The following COL4A3 variants were observed in gnomAD, a reference collection of about 807,000 sequenced individuals.
COL4A3 encodes collagen alpha-3(IV) chain.
COL4A3 carries 135 observed loss-of-function variants against 217.4 expected under a neutral mutation model. That is an observed-to-expected ratio of 0.62 (90% CI 0.54 to 0.72). COL4A3 has a LOEUF of 0.72. COL4A3 is among the 30% of genes least tolerant of loss of function. The pLI, the probability that COL4A3 is intolerant of heterozygous loss-of-function variation, is 0.00. For synonymous variants in COL4A3, 690 were observed against 736.3 expected (o/e 0.94, Z 1.02); for missense variants, 1,868 against 2,119.9 (o/e 0.88, Z 2.33).
Position 227,253,601 on chromosome 2 carries a change from C to A in COL4A3, c.728C>A (p.Thr243Lys). Residue 243 changes from threonine to lysine, a missense_variant, in exon 13 of 52, where the codon ACA becomes AAA. By Grantham distance (78) the Thr-to-Lys change is moderately conservative (BLOSUM62 -1). This residue lies in a region of COL4A3 where 365 missense variants were observed against 333.8 expected (regional missense o/e 1.09). Transcript: ENST00000396578. This position sits in a 1 kb window ranked among gnomAD's most constrained non-coding sequence, Gnocchi z 4.4. Reference protein sequence around the residue: ...GLTGPPGPPGTVIVTLTGPDN... With the variant: ...GLTGPPGPPGKVIVTLTGPDN... ...ACAGGACCCCCGGGACCACCAGGAA[C>A]AGTTATTGTGACCCTAACTGGCCCA... 6.2e-7 allele frequency: 1 copy of A among 1,614,130 alleles called. No individual in the cohort carries two copies. Among genetic ancestry groups the A allele is most frequent in the Non-Finnish European group, 8.5e-7 (1 of 1,179,970 alleles).
chr2:227,181,871 A>T (rs918322355), intron 1 of COL4A3, among the ~76,000 whole-genome samples: 1 of 152,184 alleles, frequency 6.6e-6, no homozygotes, highest in Non-Finnish European at 1.5e-5. Flanking sequence ...TAATTTTTTT[A>T]TACTGCAAGT....
chr2:227,303,304 T>C (rs1328418937), intron 44 of COL4A3, among the ~76,000 whole-genome samples, 194 bp downstream of exon 44: 1 of 152,174 alleles, frequency 6.6e-6, no homozygotes, highest in Non-Finnish European at 1.5e-5. Context: ...GATCAATGGC[T>C]CTCGGTAACC....
At chr2:227,261,195 T>C in intron 20 of COL4A3, 78 bp downstream of exon 20, 2 of 1,232,136 alleles carry the variant, frequency 1.6e-6, no homozygotes, top group Non-Finnish European at 2.4e-6. Flanking sequence ...AAGTTTACAT[T>C]ATTTACATAA....
intron 1 of COL4A3, among the ~76,000 whole-genome samples, chr2:227,211,106 T>G (rs1438409613): frequency 6.6e-6 from 1 of 152,166 alleles, no homozygotes; most frequent in African/African-American, 2.4e-5. Flanking sequence ...GTTCAAGCGA[T>G]TCTCCTGCCT....
At chr2:227,194,648 T>A (rs1277651012) in intron 1 of COL4A3, among the ~76,000 whole-genome samples, 3 of 152,106 alleles carry the variant, frequency 2.0e-5, no homozygotes, top group Non-Finnish European at 2.9e-5. Context: ...AAATGCAGTA[T>A]GCAATCAACT....
intron 1 of COL4A3, among the ~76,000 whole-genome samples, chr2:227,234,385 G>T (rs909266850): frequency 6.6e-6 from 1 of 152,200 alleles, no homozygotes; most frequent in Non-Finnish European, 1.5e-5. Context: ...ATTTTAACGT[G>T]TGTTAAAATA....
chr2:227,242,113 C>A (rs2069059131), intron 3 of COL4A3, among the ~76,000 whole-genome samples: 1 of 152,092 alleles, frequency 6.6e-6, no homozygotes, highest in Non-Finnish European at 1.5e-5. Flanking sequence ...GGGCTCAGTC[C>A]CACAAGACTG....
intron 2 of COL4A3, among the ~76,000 whole-genome samples, chr2:227,239,246 A>G (rs565831197): frequency 3.4e-4 from 11 of 31,956 alleles, no homozygotes; most frequent in African/African-American, 8.7e-4. Context: ...TAATACAAAT[A>G]AAAAAATGCA....
At chr2:227,239,972 G>A (rs1191850580) in intron 2 of COL4A3, among the ~76,000 whole-genome samples, 171 bp from the exon 3 acceptor site, 1 of 152,100 alleles carries the variant, frequency 6.6e-6, no homozygotes, top group Non-Finnish European at 1.5e-5. Context: ...TAGCTTTCTG[G>A]TTGCCTATGT....
chr2:227,164,892 C>A lies in COL4A3; in HGVS notation c.87+79C>A. ...GTCCGGGGGACGCGCTGGCCCCACC[C>A]GCAGCGGCGCGGTAGTGGAGCGGCT... On this transcript the variant is annotated intron_variant, in intron 1 of 51. Coordinates refer to ENST00000396578, the MANE Select transcript of COL4A3 (RefSeq NM_000091.5). This position sits in a 1 kb window ranked among gnomAD's most constrained non-coding sequence, Gnocchi z 4.8. The A allele has an allele frequency of 7.2e-7, 1 of 1,383,412 alleles. No homozygotes were observed. The highest frequency in any genetic ancestry group is 2.9e-5 in the East Asian group (1 of 34,630). 85.7% of individuals were successfully genotyped at this position (1,383,412 alleles called of 1,614,324 possible).
intron 1 of COL4A3, among the ~76,000 whole-genome samples, chr2:227,237,310 T>A (rs757459186): frequency 2.0e-5 from 3 of 152,316 alleles, no homozygotes; most frequent in Non-Finnish European, 2.9e-5. Flanking sequence ...ATTATTTAAG[T>A]CAAAGAAAAC....
At chr2:227,272,675 G>A (rs1011476337) in intron 25 of COL4A3, among the ~76,000 whole-genome samples, 3 of 152,188 alleles carry the variant, frequency 2.0e-5, no homozygotes, top group Non-Finnish European at 1.5e-5. Context: ...AGTTTTAGTG[G>A]CTATTACCAT....
chr2:227,196,386 C>T (rs959179342), intron 1 of COL4A3, among the ~76,000 whole-genome samples: 12 of 151,028 alleles, frequency 7.9e-5, no homozygotes, highest in East Asian at 1.9e-4. Flanking sequence ...GGTATGATCT[C>T]GGCTCACTGC....
rs56706859 is a variant in COL4A3 at position 227,208,022 on chromosome 2, C to T, written c.88-29946C>T. On this transcript the variant is annotated intron_variant, in intron 1 of 51. Coordinates refer to ENST00000396578, the MANE Select transcript of COL4A3 (RefSeq NM_000091.5). ...TATTGGTTACTCTCTCCCCCCGCCC[C>T]CCCACACACACGAAACCACCTTTGC... is the stretch of plus-strand genomic sequence containing the variant. 1.5e-4 allele frequency among the ~76,000 whole-genome samples: 23 copies of T among 151,922 alleles called. No individual in the cohort carries two copies. In the East Asian group the frequency reaches 3.9e-3, roughly 26 times the overall value.
chr2:227,215,000 T>C (rs1457669193), intron 1 of COL4A3, among the ~76,000 whole-genome samples: 1 of 152,230 alleles, frequency 6.6e-6, no homozygotes, highest in East Asian at 1.9e-4. Context: ...GTCTGAAACG[T>C]ATACTGGATA....
chr2:227,218,255 A>G (rs1362757564), intron 1 of COL4A3, among the ~76,000 whole-genome samples: 1 of 151,990 alleles, frequency 6.6e-6, no homozygotes, highest in Non-Finnish European at 1.5e-5. Flanking sequence ...TCACGAGGTC[A>G]GGAGATCAAG....
chr2:227,247,500 A>G (rs1470989546), intron 7 of COL4A3, 58 bp from the exon 8 acceptor site: 1 of 1,542,960 alleles, frequency 6.5e-7, no homozygotes, highest in East Asian at 2.2e-5. Context: ...GAGCAGACCG[A>G]GTAGGAGTGT....
Position 227,251,133 on chromosome 2 carries a change from T to C in COL4A3, c.547-7T>C, listed in dbSNP as rs770199647. The C allele has an allele frequency of 5.0e-6, 8 of 1,609,200 alleles. No individual in the cohort carries two copies. Among genetic ancestry groups the C allele is most frequent in the Non-Finnish European group, 6.8e-6 (8 of 1,175,650 alleles). ...AAACTTACTCTTATTCTTCTCTCAA[T>C]TTCAAGGGTTTGCCAGGCCCTCCAG... On this transcript the variant is annotated splice_region_variant and splice_polypyrimidine_tract_variant and intron_variant, in intron 9 of 51. Transcript: ENST00000396578.
Position 227,294,515 on chromosome 2 carries a change from G to A in COL4A3, c.3363G>A (p.Leu1121=), listed in dbSNP as rs372694554. ...GAAAGCCAGGTCCTCATGGTGATTT[G>A]GGTTTTAAAGGAATCAAAGGCCTCC... ...LPGKPGPHGD[L]GFKGIKGLLG... The change falls in exon 39 of 52, where the codon TTG becomes TTA. Residue 1121 remains leucine, a synonymous_variant. Transcript: ENST00000396578. The A allele has an allele frequency of 6.2e-6, 10 of 1,613,448 alleles. No homozygotes were observed. The highest frequency in any genetic ancestry group is 8.5e-6 in the Non-Finnish European group (10 of 1,179,420).
Sources: gnomAD v4.1 joint callset for allele counts (sites outside exome capture counted in the v4.1 genomes callset) on GRCh38, gnomAD v4.1.1 for gene constraint, gnomAD v4.1.1 regional missense constraint, Gnocchi (gnomAD v3.1) non-coding constraint, MANE v1.5 for transcripts, NCBI Gene and HGNC (gene_info 2026-07-23, HGNC 2026-07-21) for gene names.